Variants in NCOA1 observed in about 807,000 individuals in gnomAD.
NCOA1 encodes Hin-2 protein.
In NCOA1, 35 loss-of-function variants were observed where a neutral mutation model predicts 150.9. The observed-to-expected ratio is 0.23, with a 90% CI of 0.18 to 0.31. The LOEUF is 0.31. Among genes scored for constraint, NCOA1 ranks in the 10% least tolerant of loss-of-function variants. The pLI is 1.00. For missense variants in NCOA1, 1,491 were observed against 1,749.3 expected, an observed-to-expected ratio of 0.85 and a Z score of 2.63; for synonymous variants, 590 against 630.0, an observed-to-expected ratio of 0.94 and a Z score of 0.95.
Position 24,537,498 on chromosome 2 carries a change from GTC to G in NCOA1, c.-395-26781_-395-26780del, listed in dbSNP as rs536590199. Among the ~76,000 whole-genome samples the G allele has an allele frequency of 7.1e-4, 106 of 149,178 alleles. 1 individual carries two copies. The highest frequency in any genetic ancestry group is 1.0e-3 in the African/African-American group (41 of 40,842). The stretch of plus-strand genomic sequence containing the variant: ...AATATATGTATGTGTGTGTGTGTGT[GTC>G]TCTCTCTCTCTCTCTGTATATATAT... On this transcript the variant is annotated intron_variant, in intron 1 of 22. Coordinates refer to ENST00000348332, the MANE Select transcript of NCOA1 (RefSeq NM_003743.5).
chr2:24,525,039 G>A (rs1348137110), intron 1 of NCOA1, among the ~76,000 whole-genome samples: 2 of 152,218 alleles, frequency 1.3e-5, no homozygotes, highest in Non-Finnish European at 2.9e-5. Context: ...ATGGTGTGGG[G>A]AGCCTTAGAG....
intron 21 of NCOA1, among the ~76,000 whole-genome samples, chr2:24,759,075 A>G (rs1236653883): frequency 6.8e-6 from 1 of 147,750 alleles, no homozygotes; most frequent in African/African-American, 2.4e-5. Context: ...CTTCATCTCT[A>G]CCTTTTAATT....
At chr2:24,642,040 G>GCGCGCA (rs1670251819) in intron 3 of NCOA1, among the ~76,000 whole-genome samples, 1 of 150,486 alleles carries the variant, frequency 6.6e-6, no homozygotes, top group African/African-American at 2.4e-5. Context: ...GTGTGTGTGC[G>GCGCGCA]CGCGTGCGTA....
chr2:24,563,337 C>T (rs976336446), intron 1 of NCOA1, among the ~76,000 whole-genome samples: 3 of 152,050 alleles, frequency 2.0e-5, no homozygotes, highest in Non-Finnish European at 2.9e-5. Flanking sequence ...GAGTGATAGG[C>T]GTAGGAGTCA....
intron 1 of NCOA1, among the ~76,000 whole-genome samples, chr2:24,518,466 A>G (rs748534706): frequency 1.3e-5 from 2 of 152,142 alleles, no homozygotes; most frequent in Non-Finnish European, 2.9e-5. Context: ...CTTTTCTTCC[A>G]CATTATACTG....
chr2:24,492,259 C>T (rs534036927), intron 1 of NCOA1: 2 of 152,208 alleles, frequency 1.3e-5, no homozygotes, highest in African/African-American at 4.8e-5. Context: ...GGGATTCAGC[C>T]GAAAGGGCCG....
chr2:24,739,349 C>T, intron 17 of NCOA1, 83 bp from the exon 18 acceptor site: 1 of 975,994 alleles, frequency 1.0e-6, no homozygotes, highest in Non-Finnish European at 1.6e-6. Context: ...TTTTAGTAAT[C>T]AATAGAAAGT....
At chr2:24,609,723 G>A (rs542176747) in intron 3 of NCOA1, among the ~76,000 whole-genome samples, 60 of 140,182 alleles carry the variant, frequency 4.3e-4, no homozygotes, top group Admixed American at 1.2e-3. Context: ...TTATATTTGT[G>A]CCTTTTTTTT....
At chr2:24,680,820 T>G (rs1312059832) in intron 7 of NCOA1, among the ~76,000 whole-genome samples, 2 of 152,168 alleles carry the variant, frequency 1.3e-5, no homozygotes, top group Non-Finnish European at 2.9e-5. Flanking sequence ...TTTGAAAACA[T>G]ATACCATAAA....
chr2:24,646,727 A>C (rs1670491866), intron 4 of NCOA1, among the ~76,000 whole-genome samples: 1 of 150,782 alleles, frequency 6.6e-6, no homozygotes, highest in South Asian at 2.1e-4. Context: ...TTTTAATGAA[A>C]AGGTTATCTT....
chr2:24,698,347 A>G (rs1202092928), intron 11 of NCOA1, among the ~76,000 whole-genome samples: 2 of 152,134 alleles, frequency 1.3e-5, no homozygotes, highest in African/African-American at 2.4e-5. Context: ...AGAGATCAGT[A>G]TCATGCCTGT....
chr2:24,649,598 C>A (rs1343511282), intron 4 of NCOA1, among the ~76,000 whole-genome samples: 1 of 152,190 alleles, frequency 6.6e-6, no homozygotes, highest in Non-Finnish European at 1.5e-5. Context: ...TATTTTCCCT[C>A]AGTCGTGAAT....
intron 3 of NCOA1, among the ~76,000 whole-genome samples, chr2:24,604,547 G>A (rs1279389867): frequency 6.6e-6 from 1 of 152,220 alleles, no homozygotes; most frequent in Non-Finnish European, 1.5e-5. Flanking sequence ...ATGTTATGGA[G>A]ACAGCTTCTT....
At chr2:24,511,767 G>A (rs1208675720) in intron 1 of NCOA1, among the ~76,000 whole-genome samples, 1 of 151,274 alleles carries the variant, frequency 6.6e-6, no homozygotes, top group Non-Finnish European at 1.5e-5. Flanking sequence ...TTATGCTTTT[G>A]GTGCCATATT....
chr2:24,745,957 T>G (rs1663896239), intron 19 of NCOA1, among the ~76,000 whole-genome samples: 1 of 152,188 alleles, frequency 6.6e-6, no homozygotes, highest in Admixed American at 6.5e-5. Context: ...CAGATATATC[T>G]CCTCTGCAGA....
At chr2:24,712,742 G>A (rs970260396) in intron 14 of NCOA1, among the ~76,000 whole-genome samples, 1 of 147,618 alleles carries the variant, frequency 6.8e-6, no homozygotes, top group African/African-American at 2.5e-5. Flanking sequence ...GAAAAAAAGG[G>A]ACAAAGAACA....
At position 24,538,393 on chromosome 2, in the gene NCOA1, T is replaced by C. The variant is rs576286840; in HGVS notation, c.-395-25902T>C. Reference sequence around the variant, plus strand: ...TATCCTTTCCAAAACCTCGAAAGACTGGAAAAGCAATAGAGTAAGTCATTG... The same window carrying C: ...TATCCTTTCCAAAACCTCGAAAGACCGGAAAAGCAATAGAGTAAGTCATTG... On this transcript the variant is annotated intron_variant, in intron 1 of 22. Coordinates refer to ENST00000348332, the MANE Select transcript of NCOA1 (RefSeq NM_003743.5). Among the ~76,000 whole-genome samples, 66 of 152,334 alleles carry C rather than the reference T, an allele frequency of 4.3e-4. 1 individual carries two copies. The South Asian group carries it at 0.013, about 30-fold the overall frequency.
chr2:24,543,282 A>G (rs1176359485), intron 1 of NCOA1, among the ~76,000 whole-genome samples: 1 of 152,070 alleles, frequency 6.6e-6, no homozygotes, highest in East Asian at 1.9e-4. Context: ...TTTTATAACA[A>G]CCTGCTTTTA....
At chr2:24,734,254 C>G (rs1339403363) in intron 17 of NCOA1, among the ~76,000 whole-genome samples, 1 of 146,778 alleles carries the variant, frequency 6.8e-6, no homozygotes, top group Non-Finnish European at 1.5e-5. Context: ...AATTGAAAGG[C>G]AAAAAGAACA....
Sources: allele counts gnomAD v4.1 joint callset (sites outside exome capture counted in the v4.1 genomes callset), GRCh38; gene constraint gnomAD v4.1.1; transcripts MANE v1.5; gene names NCBI Gene and HGNC (gene_info 2026-07-23, HGNC 2026-07-21).